The following XAF1 variants were observed in gnomAD, a reference collection of about 807,000 sequenced individuals.
XAF1 encodes the protein XIAP-associated factor 1.
A neutral mutation model predicts 32.3 loss-of-function variants in XAF1; 32 were observed. That is an observed-to-expected ratio of 0.99 (90% CI 0.75 to 1.33). The LOEUF (loss-of-function observed/expected upper bound fraction) is 1.33. Among genes scored for constraint, XAF1 ranks in the 40% most tolerant of loss-of-function variants. The pLI is 0.00. For synonymous variants in XAF1, 120 were observed against 125.9 expected, an observed-to-expected ratio of 0.95 and a Z score of 0.31; for missense variants, 379 against 366.0, an observed-to-expected ratio of 1.04 and a Z score of -0.29.
rs1319800151 is a variant in XAF1, at chr17:6,770,705, T to C, written c.570T>C (p.Leu190=). ...KHFPVGNPEI[L]PSSLPSQAAE... is the part of the protein sequence containing the mutation. ...TTCCTGTTGGAAATCCAGAAATTCT[T>C]CCTTCATCTCTTCCAAGTCAAGCTG... Residue 190 remains leucine (L), a synonymous_variant, in exon 6 of 7, where the codon CTT becomes CTC. Transcript: ENST00000361842. The C allele has an allele frequency of 6.2e-7, 1 of 1,612,118 alleles. No homozygotes were observed. Among genetic ancestry groups the C allele is most frequent in the South Asian group, 1.1e-5 (1 of 90,252 alleles).
In XAF1 at chr17:6,762,164, T is replaced by C. The variant is rs759422267; in HGVS notation, c.431T>C (p.Ile144Thr). 26 of 1,613,018 alleles carry C rather than the reference T, an allele frequency of 1.6e-5. No individual in the cohort carries two copies. The Admixed American group carries it at 4.0e-4, about 25-fold the overall frequency. ...TTCTCTGCTTATTCAGGGGAAAGAATTTCAGCTCCTGAAAGGGAAATCTAC... is the reference window on the plus strand; with the variant it reads ...TTCTCTGCTTATTCAGGGGAAAGAACTTCAGCTCCTGAAAGGGAAATCTAC... ...EQAQLGKGERISAPEREIYCH... is the reference protein window; with the variant it reads ...EQAQLGKGERTSAPEREIYCH... Residue 144 changes from isoleucine to threonine, a missense_variant, in exon 5 of 7, where the codon ATT becomes ACT. Physicochemically the swap from Ile to Thr is moderately conservative, Grantham distance 89. Transcript: ENST00000361842.
At chr17:6,755,799 C>G, upstream of XAF1, 1 of 1,279,442 alleles carries the variant, frequency 7.8e-7, no homozygotes, top group Non-Finnish European at 1.0e-6. Flanking sequence ...GCTGTGCTGC[C>G]CAGGAGAGGC....
At chr17:6,756,243 C>A in intron 1 of XAF1, 133 bp downstream of exon 1, 2 of 1,330,102 alleles carry the variant, frequency 1.5e-6, no homozygotes, top group Non-Finnish European at 9.9e-7. Flanking sequence ...AGCTGGAGAC[C>A]GTGGGCCCCA....
rs1975571687 is a variant in XAF1, at chr17:6,765,745, TGCA to T, written c.507+3510_507+3512del. 4.6e-5 allele frequency among the ~76,000 whole-genome samples: 7 copies of T among 152,336 alleles called. 1 individual carries two copies. The South Asian group carries it at 1.4e-3, about 32-fold the overall frequency. Reference sequence around the variant, plus strand: ...CCATCATCTTCTCTAGCCCAGATGCTGCAGCAGTCTCCTAAACGGTCTTCCTAC... The same window carrying T: ...CCATCATCTTCTCTAGCCCAGATGCTGCAGTCTCCTAAACGGTCTTCCTAC... On this transcript the variant is annotated intron_variant, in intron 5 of 6. Transcript: ENST00000361842.
At chr17:6,756,020 G>GT, upstream of XAF1, 2 of 1,613,176 alleles carry the variant, frequency 1.2e-6, no homozygotes, top group Non-Finnish European at 1.7e-6. Flanking sequence ...AAAACTTTCA[G>GT]TTTTGTTTCC....
chr17:6,762,236 A>G lies in XAF1; in HGVS notation c.503A>G (p.His168Arg), dbSNP rs765340676. Residue 168 changes from histidine to arginine, a missense_variant, in exon 5 of 7, where the codon CAT becomes CGT. Coordinates refer to ENST00000361842, the MANE Select transcript of XAF1 (RefSeq NM_017523.5). ...QMIPENKYFH[H>R]MGKCCPDSEF... ...ATTCCAGAAAATAAGTATTTCCACCATATGGTGAGTAGCACTTAGTAATTT... is the reference window on the plus strand; with the variant it reads ...ATTCCAGAAAATAAGTATTTCCACCGTATGGTGAGTAGCACTTAGTAATTT... 5.2e-5 allele frequency: 84 copies of G among 1,609,838 alleles called. No individual in the cohort carries two copies. The highest frequency in any genetic ancestry group is 6.3e-5 in the Non-Finnish European group (74 of 1,178,072).
intron 2 of XAF1, 61 bp downstream of exon 2, chr17:6,758,285 C>T: frequency 6.3e-7 from 1 of 1,594,008 alleles, no homozygotes; most frequent in Non-Finnish European, 8.5e-7. Context: ...GTCCTCCCTG[C>T]AGGTGAGATG....
chr17:6,759,566 C>A, intron 2 of XAF1, 96 bp from the exon 3 acceptor site: 2 of 1,586,936 alleles, frequency 1.3e-6, no homozygotes, highest in South Asian at 2.2e-5. Flanking sequence ...AGACCCAAAC[C>A]CGGAACACTG....
intron 4 of XAF1, among the ~76,000 whole-genome samples, chr17:6,761,471 G>A (rs1378026118): frequency 6.6e-6 from 1 of 152,166 alleles, no homozygotes; most frequent in Non-Finnish European, 1.5e-5. Context: ...CTTTATGAGG[G>A]TGTATTTACT....
chr17:6,758,403 A>G (rs1597715008), intron 2 of XAF1, 179 bp downstream of exon 2: 4 of 898,258 alleles, frequency 4.5e-6, no homozygotes, highest in Non-Finnish European at 6.6e-6. Flanking sequence ...GGGGTCTGAG[A>G]GTCAAGGCGA....
intron 1 of XAF1, among the ~76,000 whole-genome samples, chr17:6,756,654 G>A (rs1026019119): frequency 1.3e-5 from 2 of 152,178 alleles, no homozygotes; most frequent in African/African-American, 4.8e-5. Context: ...GGACCTGAGT[G>A]GACCCTCCCC....
chr17:6,762,352 G>A (rs1975286789), intron 5 of XAF1, 112 bp downstream of exon 5: 1 of 871,794 alleles, frequency 1.1e-6, no homozygotes. Flanking sequence ...GGATATTAAA[G>A]GGTCCCATAT....
chr17:6,755,892 CTGGCCATGCTGTAAAGGGGCTTCT>C, upstream of XAF1: 1 of 1,417,172 alleles, frequency 7.1e-7, no homozygotes, highest in Non-Finnish European at 9.2e-7. Context: ...ACAGCAGGGG[CTGGCCATGCTGTAAAGGGGCTTCT>C]TGGGAGGGTC....
chr17:6,756,279 A>C, intron 1 of XAF1, 169 bp downstream of exon 1: 6 of 1,145,208 alleles, frequency 5.2e-6, no homozygotes, highest in Non-Finnish European at 5.7e-6. Flanking sequence ...AAACTTGGTA[A>C]TCTCTGGGTG....
intron 2 of XAF1, chr17:6,758,679 G>A: frequency 3.2e-6 from 1 of 312,590 alleles, no homozygotes; most frequent in Non-Finnish European, 6.3e-6. Flanking sequence ...AGGAGAGATG[G>A]GGTCTGGGAG....
chr17:6,772,601 G>T (rs180928354), intron 6 of XAF1, among the ~76,000 whole-genome samples: 626 of 151,350 alleles, frequency 4.1e-3, no homozygotes, highest in African/African-American at 0.014. Flanking sequence ...CTCCTGAGTA[G>T]CTGGGAGTAC....
At chr17:6,764,548 C>G (rs930489971) in intron 5 of XAF1, among the ~76,000 whole-genome samples, 1 of 151,362 alleles carries the variant, frequency 6.6e-6, no homozygotes, top group Non-Finnish European at 1.5e-5. Context: ...ATTTATATAT[C>G]AATGGCCTTG....
intron 1 of XAF1, 114 bp downstream of exon 1, chr17:6,756,224 A>G: frequency 6.5e-7 from 1 of 1,548,748 alleles, no homozygotes; most frequent in Non-Finnish European, 8.8e-7. Context: ...AACACTTAGG[A>G]GGACAAGCAG....
intron 4 of XAF1, among the ~76,000 whole-genome samples, 171 bp downstream of exon 4, chr17:6,760,772 CTG>C (rs1210429328): frequency 1.3e-5 from 2 of 152,202 alleles, no homozygotes; most frequent in Admixed American, 6.5e-5. Flanking sequence ...AGTGGCCTTC[CTG>C]TGTGTCTGCT....
Sources: allele counts gnomAD v4.1 joint callset (sites outside exome capture counted in the v4.1 genomes callset), GRCh38; gene constraint gnomAD v4.1.1; transcripts MANE v1.5; gene names NCBI Gene and HGNC (gene_info 2026-07-23, HGNC 2026-07-21).